NCKAP5: variants seen among roughly 807,000 people sequenced by gnomAD.
NCKAP5 encodes NCK associated protein 5.
Under a neutral mutation model 167.0 loss-of-function variants are expected in NCKAP5, and 92 were observed. That is an observed-to-expected ratio of 0.55 (90% CI 0.47 to 0.66). The LOEUF is 0.66. Among genes scored for constraint, NCKAP5 ranks in the 30% least tolerant of loss-of-function variants. The probability of loss-of-function intolerance (pLI) is 0.00; values close to 1 mark genes in which losing one functional copy is unlikely to be tolerated. For missense variants in NCKAP5, 2,378 were observed against 2,315.0 expected, an observed-to-expected ratio of 1.03 and a Z score of -0.56; for synonymous variants, 891 against 877.4, an observed-to-expected ratio of 1.02 and a Z score of -0.27.
upstream of NCKAP5, among the ~76,000 whole-genome samples, chr2:133,572,161 T>G (rs1299685462): frequency 6.6e-6 from 1 of 152,210 alleles, no homozygotes; most frequent in Non-Finnish European, 1.5e-5. Flanking sequence ...GACCCTCCAG[T>G]GTCCTAAGGA....
chr2:133,566,315 A>T (rs1163689045), intron 1 of NCKAP5, among the ~76,000 whole-genome samples: 1 of 152,198 alleles, frequency 6.6e-6, no homozygotes, highest in Admixed American at 6.5e-5. Flanking sequence ...AAGCACAAAC[A>T]CTGAGTATCA....
chr2:133,604,880 C>T, the NCKAP5 span, among the ~76,000 whole-genome samples: 7 of 152,182 alleles, frequency 4.6e-5, no homozygotes, highest in Non-Finnish European at 2.9e-5. Flanking sequence ...GTGGGAGTAG[C>T]AGCTAGGGGT....
intron 11 of NCKAP5, among the ~76,000 whole-genome samples, chr2:132,834,159 G>A (rs899962622): frequency 3.3e-5 from 5 of 152,036 alleles, no homozygotes; most frequent in African/African-American, 7.2e-5. Flanking sequence ...TCAACAAACA[G>A]AGATAATTTG....
At chr2:132,819,989 T>C (rs1312166140) in intron 11 of NCKAP5, among the ~76,000 whole-genome samples, 1 of 152,150 alleles carries the variant, frequency 6.6e-6, no homozygotes, top group Non-Finnish European at 1.5e-5. Context: ...GTTTCAAGGC[T>C]TTTATAAAGT....
chr2:132,738,977 G>A (rs1344052243), intron 16 of NCKAP5, among the ~76,000 whole-genome samples: 1 of 152,136 alleles, frequency 6.6e-6, no homozygotes, highest in African/African-American at 2.4e-5. Context: ...TTCAACATGA[G>A]ATTTGGAGGT....
At chr2:133,364,816 G>A (rs1017501334) in intron 3 of NCKAP5, among the ~76,000 whole-genome samples, 7 of 151,588 alleles carry the variant, frequency 4.6e-5, no homozygotes, top group South Asian at 2.1e-4. Flanking sequence ...GTGCTGTAGC[G>A]CCATCTTGGC....
At chr2:132,933,017 C>T (rs995201237) in intron 8 of NCKAP5, among the ~76,000 whole-genome samples, 7 of 151,308 alleles carry the variant, frequency 4.6e-5, no homozygotes, top group Non-Finnish European at 8.8e-5. Context: ...CTCCGCCTCC[C>T]GGGTTCACGC....
chr2:133,298,871 T>C (rs1256114151), intron 4 of NCKAP5, among the ~76,000 whole-genome samples: 2 of 152,244 alleles, frequency 1.3e-5, no homozygotes, highest in African/African-American at 4.8e-5. Flanking sequence ...GTTCACAAAA[T>C]AAAACTATCA....
At position 132,784,139 on chromosome 2, in the gene NCKAP5, T is replaced by C; in HGVS notation, c.2672A>G (p.Gln891Arg). ...RRDWVQCPKS[Q>R]TPGSRSRPAI... ...AGGCCTTGACCGTGACCCTGGAGTC[T>C]GACTCTTGGGGCACTGGACCCAGTC... The change falls in exon 14 of 20, where the codon CAG (glutamine) becomes CGG (arginine). Residue 891 changes from glutamine (Q) to arginine (R), a missense_variant. Gln to Arg is a conservative substitution (Grantham distance 43, BLOSUM62 1). Coordinates refer to ENST00000409261, the MANE Select transcript of NCKAP5 (RefSeq NM_207363.3). The C allele has an allele frequency of 6.6e-7, 1 of 1,524,798 alleles. No homozygotes were observed. The highest frequency in any genetic ancestry group is 8.8e-7 in the Non-Finnish European group (1 of 1,138,968). The allele number at this position is 1,524,798 out of a possible 1,614,324, so 94.5% of individuals were successfully genotyped here. A position where few individuals can be genotyped will look rare whatever the true frequency, so the allele number is the denominator to read the frequency against.
chr2:133,247,628 TA>T (rs1378093152), intron 4 of NCKAP5, among the ~76,000 whole-genome samples: 1 of 152,202 alleles, frequency 6.6e-6, no homozygotes, highest in Non-Finnish European at 1.5e-5. Context: ...AAGACCCACT[TA>T]AAAATATGAA....
intron 5 of NCKAP5, among the ~76,000 whole-genome samples, chr2:133,191,637 A>T (rs1397496018): frequency 1.3e-5 from 2 of 152,208 alleles, no homozygotes; most frequent in African/African-American, 2.4e-5. Context: ...ATGAAGCTGG[A>T]AACCATCATT....
At chr2:133,065,295 C>G (rs2080152496) in intron 6 of NCKAP5, among the ~76,000 whole-genome samples, 1 of 152,280 alleles carries the variant, frequency 6.6e-6, no homozygotes, top group South Asian at 2.1e-4. Flanking sequence ...ATGGTAAAAA[C>G]AGCTGCGCAA....
intron 16 of NCKAP5, among the ~76,000 whole-genome samples, chr2:132,751,803 G>A (rs886196096): frequency 6.6e-6 from 1 of 152,240 alleles, no homozygotes; most frequent in Non-Finnish European, 1.5e-5. Flanking sequence ...ACCGTGCATA[G>A]TGGATTGCCT....
At chr2:133,347,156 C>T (rs917871594) in intron 3 of NCKAP5, among the ~76,000 whole-genome samples, 4 of 152,164 alleles carry the variant, frequency 2.6e-5, no homozygotes, top group Non-Finnish European at 4.4e-5. Context: ...AGTAATGTTA[C>T]GGATAATGTA....
At chr2:133,353,622 C>T (rs972911637) in intron 3 of NCKAP5, among the ~76,000 whole-genome samples, 2 of 152,178 alleles carry the variant, frequency 1.3e-5, no homozygotes, top group South Asian at 2.1e-4. Context: ...AGACACACCC[C>T]TATCCTGTCA....
intron 11 of NCKAP5, among the ~76,000 whole-genome samples, chr2:132,838,963 G>A (rs1470166439): frequency 6.6e-6 from 1 of 152,180 alleles, no homozygotes; most frequent in African/African-American, 2.4e-5. Flanking sequence ...GAATACTAGT[G>A]ACATGGAGAA....
chr2:132,713,707 G>C (rs1689080620), intron 19 of NCKAP5, among the ~76,000 whole-genome samples: 1 of 89,982 alleles, frequency 1.1e-5, no homozygotes, highest in South Asian at 3.5e-4. Context: ...GACAGAAAGG[G>C]CCAAACAAAA....
At chr2:132,882,614 T>C (rs1691852379) in intron 8 of NCKAP5, among the ~76,000 whole-genome samples, 1 of 152,186 alleles carries the variant, frequency 6.6e-6, no homozygotes, top group African/African-American at 2.4e-5. Flanking sequence ...AGTTGGTTTT[T>C]CCCCTCCTCC....
intron 7 of NCKAP5, among the ~76,000 whole-genome samples, chr2:132,972,448 G>A (rs552101488): frequency 2.6e-5 from 4 of 152,140 alleles, no homozygotes; most frequent in Admixed American, 2.6e-4. Context: ...AATTTAGGCT[G>A]GGCGCGGTGG....
Sources: gnomAD v4.1 joint callset for allele counts (sites outside exome capture counted in the v4.1 genomes callset) on GRCh38, gnomAD v4.1.1 for gene constraint, MANE v1.5 for transcripts, NCBI Gene and HGNC (gene_info 2026-07-23, HGNC 2026-07-21) for gene names.